BMP5: variants seen among roughly 807,000 people sequenced by gnomAD.
BMP5 encodes bone morphogenetic protein 5.
Under a neutral mutation model 46.6 loss-of-function variants are expected in BMP5, and 23 were observed. The ratio of observed to expected loss-of-function variants is 0.49; its 90% CI spans 0.35 to 0.70. BMP5 has a LOEUF of 0.70. Ranked by LOEUF, BMP5 falls within the 30% of genes least tolerant of loss-of-function variation. The probability of loss-of-function intolerance (pLI) is 0.00; values close to 1 mark genes in which losing one functional copy is unlikely to be tolerated. For missense variants in BMP5, 545 were observed against 565.6 expected, an observed-to-expected ratio of 0.96 and a Z score of 0.37; for synonymous variants, 204 against 191.9, an observed-to-expected ratio of 1.06 and a Z score of -0.52.
intron 1 of BMP5, among the ~76,000 whole-genome samples, chr6:55,826,390 T>G (rs539590575): frequency 6.6e-6 from 1 of 151,938 alleles, no homozygotes; most frequent in South Asian, 2.1e-4. Context: ...AATTGTAATA[T>G]TCTACTATAA....
intron 4 of BMP5, among the ~76,000 whole-genome samples, chr6:55,772,287 G>A (rs1775065044): frequency 6.6e-6 from 1 of 151,802 alleles, no homozygotes; most frequent in Admixed American, 6.6e-5. Flanking sequence ...CTTGTGGTTA[G>A]GAAGAGAAGA....
chr6:55,770,000 A>G (rs2127519498), intron 4 of BMP5, among the ~76,000 whole-genome samples: 1 of 152,052 alleles, frequency 6.6e-6, no homozygotes, highest in East Asian at 1.9e-4. Flanking sequence ...CCATTTGCAG[A>G]GCCCAGGAAG....
intron 3 of BMP5, among the ~76,000 whole-genome samples, chr6:55,791,639 A>C (rs1047921520): frequency 1.3e-5 from 2 of 152,194 alleles, no homozygotes; most frequent in African/African-American, 2.4e-5. Flanking sequence ...AAAAAGATAA[A>C]TTGAAAACAA....
intron 5 of BMP5, among the ~76,000 whole-genome samples, chr6:55,759,849 T>C (rs1034317580): frequency 2.6e-5 from 4 of 151,964 alleles, no homozygotes; most frequent in African/African-American, 7.2e-5. Flanking sequence ...ATTTTGAATA[T>C]ATTTACATTT....
chr6:55,829,599 C>A (rs917522769), intron 1 of BMP5, among the ~76,000 whole-genome samples: 3 of 151,698 alleles, frequency 2.0e-5, no homozygotes, highest in Non-Finnish European at 4.4e-5. Context: ...TTTCACACTA[C>A]CTGTGTTGGT....
intron 2 of BMP5, among the ~76,000 whole-genome samples, chr6:55,799,841 T>C (rs1775801418): frequency 6.6e-6 from 1 of 152,128 alleles, no homozygotes; most frequent in Non-Finnish European, 1.5e-5. Flanking sequence ...AGGAAACTGG[T>C]TTTGTCAGCC....
chr6:55,820,073 C>G (rs1441657019), intron 1 of BMP5, among the ~76,000 whole-genome samples: 1 of 152,122 alleles, frequency 6.6e-6, no homozygotes, highest in Non-Finnish European at 1.5e-5. Context: ...TATACAAATT[C>G]CTGGATCCTA....
At chr6:55,820,468 A>G (rs1450697232) in intron 1 of BMP5, among the ~76,000 whole-genome samples, 1 of 151,862 alleles carries the variant, frequency 6.6e-6, no homozygotes, top group Non-Finnish European at 1.5e-5. Context: ...CCCAAGCTGG[A>G]GTGCAGTGGT....
chr6:55,822,776 A>G (rs1455732371), intron 1 of BMP5, among the ~76,000 whole-genome samples: 1 of 152,154 alleles, frequency 6.6e-6, no homozygotes, highest in African/African-American at 2.4e-5. Flanking sequence ...TTCAGCCATT[A>G]TTATAAAATT....
At chr6:55,822,616 C>T (rs10948955) in intron 1 of BMP5, among the ~76,000 whole-genome samples, 63,258 of 151,750 alleles carry the variant, frequency 0.42, 13,286 homozygotes, top group African/African-American at 0.47. Flanking sequence ...AAGTATAGTC[C>T]TAAAAATAAA....
chr6:55,768,474 C>A (rs183260981), intron 4 of BMP5, among the ~76,000 whole-genome samples: 36 of 151,880 alleles, frequency 2.4e-4, no homozygotes, highest in Non-Finnish European at 4.6e-4. Context: ...ATGAGTTTGC[C>A]CAGCTGTAGG....
intron 3 of BMP5, among the ~76,000 whole-genome samples, chr6:55,793,278 C>G (rs908772431): frequency 4.0e-4 from 61 of 152,274 alleles, no homozygotes; most frequent in Middle Eastern, 3.4e-3. Context: ...TGCCTGCCCC[C>G]CAACTTCTTC....
intron 1 of BMP5, among the ~76,000 whole-genome samples, chr6:55,820,225 AC>A (rs1776375311): frequency 6.6e-6 from 1 of 152,138 alleles, no homozygotes; most frequent in Non-Finnish European, 1.5e-5. Context: ...AGGTGAAATG[AC>A]TGGAGAGACA....
intron 1 of BMP5, among the ~76,000 whole-genome samples, chr6:55,833,362 C>T (rs559790400): frequency 7.9e-5 from 12 of 152,204 alleles, no homozygotes; most frequent in Non-Finnish European, 1.6e-4. Context: ...TAAGGCATGA[C>T]TTTGAAAACA....
At chr6:55,780,958 G>A (rs1231276318) in intron 3 of BMP5, among the ~76,000 whole-genome samples, 1 of 152,056 alleles carries the variant, frequency 6.6e-6, no homozygotes, top group Non-Finnish European at 1.5e-5. Context: ...CTGAAATGAG[G>A]GGCTTGCTGT....
At chr6:55,768,873 G>C (rs544269242) in intron 4 of BMP5, among the ~76,000 whole-genome samples, 1 of 152,036 alleles carries the variant, frequency 6.6e-6, no homozygotes, top group African/African-American at 2.4e-5. Context: ...TAAAGTGAGT[G>C]TCACAATATT....
chr6:55,800,512 A>C (rs977347139), intron 2 of BMP5, among the ~76,000 whole-genome samples: 1 of 152,294 alleles, frequency 6.6e-6, no homozygotes, highest in Non-Finnish European at 1.5e-5. Flanking sequence ...TATTATGATA[A>C]TGTGTTCTCC....
intron 1 of BMP5, among the ~76,000 whole-genome samples, chr6:55,820,594 T>A (rs1199999866): frequency 6.6e-6 from 1 of 151,832 alleles, no homozygotes; most frequent in African/African-American, 2.4e-5. Flanking sequence ...ATTTTTTTAT[T>A]TTTTGTAGGG....
chr6:55,853,319 T>TCTCCCC (rs1033888948), intron 1 of BMP5, among the ~76,000 whole-genome samples: 1 of 151,150 alleles, frequency 6.6e-6, no homozygotes, highest in African/African-American at 2.4e-5. Context: ...TCTCTGTCTC[T>TCTCCCC]CTCCCCCTCC....
Sources: gnomAD v4.1 joint callset for allele counts (sites outside exome capture counted in the v4.1 genomes callset) on GRCh38, gnomAD v4.1.1 for gene constraint, MANE v1.5 for transcripts, NCBI Gene and HGNC (gene_info 2026-07-23, HGNC 2026-07-21) for gene names.